The following CRACDL variants were observed in gnomAD, a reference collection of about 807,000 sequenced individuals.
CRACDL encodes the protein CRACD-like protein.
In CRACDL, 26 loss-of-function variants were observed where a neutral mutation model predicts 70.6. The observed-to-expected ratio is 0.37, with a 90% CI of 0.27 to 0.51. The LOEUF is 0.51. Among genes scored for constraint, CRACDL ranks in the 20% least tolerant of loss-of-function variants. CRACDL has a pLI of 0.94. For synonymous variants in CRACDL, 618 were observed against 615.2 expected, an observed-to-expected ratio of 1.00 and a Z score of -0.07; for missense variants, 1,283 against 1,376.9, an observed-to-expected ratio of 0.93 and a Z score of 1.08.
At chr2:98,898,380 A>T (rs994503927) in intron 1 of CRACDL, among the ~76,000 whole-genome samples, 8 of 152,260 alleles carry the variant, frequency 5.3e-5, no homozygotes, top group Admixed American at 1.3e-4. Context: ...GCATGGTGTC[A>T]TGTGACAAGT....
At chr2:98,907,919 A>T (rs1017892531) in intron 1 of CRACDL, among the ~76,000 whole-genome samples, 1 of 152,244 alleles carries the variant, frequency 6.6e-6, no homozygotes, top group Non-Finnish European at 1.5e-5. Context: ...GTGATGAGGG[A>T]GTATTTCTTG....
At chr2:98,915,203 ACT>A (rs1708637235) in intron 1 of CRACDL, among the ~76,000 whole-genome samples, 1 of 152,048 alleles carries the variant, frequency 6.6e-6, no homozygotes, top group African/African-American at 2.4e-5. Flanking sequence ...ACCTGAGGAG[ACT>A]CAGGCTCAGA....
intron 1 of CRACDL, among the ~76,000 whole-genome samples, chr2:98,883,014 T>G (rs1707699704): frequency 6.6e-6 from 1 of 152,184 alleles, no homozygotes; most frequent in Non-Finnish European, 1.5e-5. Flanking sequence ...GTGCCCAGTG[T>G]GATCTGATGG....
chr2:98,935,101 T>C (rs1709173393), intron 1 of CRACDL, among the ~76,000 whole-genome samples: 1 of 152,186 alleles, frequency 6.6e-6, no homozygotes, highest in Non-Finnish European at 1.5e-5. Flanking sequence ...TTCTAGTCTA[T>C]GGTATATGCA....
intron 2 of CRACDL, among the ~76,000 whole-genome samples, chr2:98,844,584 C>T (rs1706171166): frequency 3.9e-5 from 6 of 152,306 alleles, no homozygotes; most frequent in Admixed American, 3.3e-4. Flanking sequence ...CTCATCTTAA[C>T]AAATTACATC....
intron 1 of CRACDL, among the ~76,000 whole-genome samples, chr2:98,856,010 T>A (rs750761397): frequency 3.9e-5 from 6 of 152,104 alleles, no homozygotes; most frequent in Non-Finnish European, 8.8e-5. Context: ...ATATTCAGAA[T>A]GGGAGTCCCA....
intron 1 of CRACDL, among the ~76,000 whole-genome samples, chr2:98,893,619 CAT>C (rs994675772): frequency 1.8e-4 from 28 of 152,150 alleles, no homozygotes; most frequent in Admixed American, 3.9e-4. Context: ...GCTGTGTAAA[CAT>C]ATCAAAAAGA....
Position 98,925,423 on chromosome 2 carries a change from T to C in CRACDL, c.-11+10515A>G, listed in dbSNP as rs565674447. Among the ~76,000 whole-genome samples the C allele has an allele frequency of 1.1e-4, 17 of 152,318 alleles. No individual in the cohort carries two copies. In the South Asian group the frequency reaches 3.1e-3, roughly 28 times the overall value. ...AGGACCCTGGGTTCAAATCCCTGCA[T>C]AACTTGTCTGTGCCTCAGTTTGCTC... On this transcript the variant is annotated intron_variant, in intron 1 of 9. Transcript: ENST00000397899.
At chr2:98,827,213 G>T (rs367683332) in intron 5 of CRACDL, 44 bp from the exon 6 acceptor site, 2 of 1,431,532 alleles carry the variant, frequency 1.4e-6, no homozygotes, top group Non-Finnish European at 2.0e-6. Context: ...GAACTTCACC[G>T]TGTGAAATAA....
chr2:98,836,472 A>C (rs1705786582), intron 3 of CRACDL, among the ~76,000 whole-genome samples: 1 of 152,180 alleles, frequency 6.6e-6, no homozygotes, highest in African/African-American at 2.4e-5. Context: ...AGCTCCCTGC[A>C]AGGTGCTGGG....
At chr2:98,900,229 A>AG (rs1708240492) in intron 1 of CRACDL, among the ~76,000 whole-genome samples, 3 of 73,714 alleles carry the variant, frequency 4.1e-5, no homozygotes, top group African/African-American at 5.5e-5. Flanking sequence ...GAGGGGAGGC[A>AG]GGGGACAGAG....
intron 1 of CRACDL, among the ~76,000 whole-genome samples, chr2:98,878,965 T>C (rs924857612): frequency 1.3e-5 from 2 of 152,226 alleles, no homozygotes; most frequent in Non-Finnish European, 2.9e-5. Flanking sequence ...ATGAATGCTA[T>C]GACCACAGAA....
chr2:98,907,723 C>T lies in CRACDL; in HGVS notation c.-11+28215G>A, dbSNP rs149555360. On this transcript the variant is annotated intron_variant, in intron 1 of 9. Coordinates refer to ENST00000397899, the MANE Select transcript of CRACDL (RefSeq NM_207362.3). ...CCTGCACTGAGTGTTGTTCCATTCT[C>T]GAAAACAGTTCCTTCATGCATTCTG... Among the ~76,000 whole-genome samples, 82 of 152,320 alleles carry T rather than the reference C, an allele frequency of 5.4e-4. No homozygotes were observed. In the East Asian group the frequency reaches 0.014, roughly 27 times the overall value.
chr2:98,899,745 T>C (rs1708216595), intron 1 of CRACDL, among the ~76,000 whole-genome samples: 1 of 151,490 alleles, frequency 6.6e-6, no homozygotes. Context: ...GTCTGAGAAG[T>C]CTTAGCTCAG....
intron 9 of CRACDL, among the ~76,000 whole-genome samples, chr2:98,795,443 A>G (rs1410967210): frequency 6.6e-6 from 1 of 152,146 alleles, no homozygotes; most frequent in Non-Finnish European, 1.5e-5. Context: ...GCTCAGTGAA[A>G]GACGCCAGAT....
intron 1 of CRACDL, among the ~76,000 whole-genome samples, chr2:98,887,230 A>G (rs1204092671): frequency 2.6e-5 from 4 of 152,218 alleles, no homozygotes; most frequent in Non-Finnish European, 2.9e-5. Context: ...GCTCATGCCT[A>G]TAATCCCAGC....
At chr2:98,934,635 T>A (rs975135933) in intron 1 of CRACDL, among the ~76,000 whole-genome samples, 4 of 152,172 alleles carry the variant, frequency 2.6e-5, no homozygotes, top group African/African-American at 7.2e-5. Context: ...CTTTATTTTA[T>A]AAGTGAGGAA....
In CRACDL at chr2:98,822,260, C is replaced by T; in HGVS notation, c.2013G>A (p.Gln671=). The change falls in exon 7 of 10, where the codon CAG becomes CAA. Residue 671 remains glutamine (Q), a synonymous_variant. Coordinates refer to ENST00000397899, the MANE Select transcript of CRACDL (RefSeq NM_207362.3). This position sits in a 1 kb window ranked among gnomAD's most constrained non-coding sequence, Gnocchi z 4.9. ...PGTREPCPAA[Q]EPAPSEDRNP... is the part of the protein sequence containing the mutation. ...TTCTGTCCTCACTCGGGGCCGGCTC[C>T]TGGGCGGCTGGGCAGGGCTCTCTCG... 6.3e-7 allele frequency: 1 copy of T among 1,592,478 alleles called. No homozygotes were observed.
intron 1 of CRACDL, among the ~76,000 whole-genome samples, chr2:98,871,159 T>C (rs1409898967): frequency 1.3e-5 from 2 of 152,340 alleles, no homozygotes; most frequent in South Asian, 4.1e-4. Context: ...GCCCAAGCCA[T>C]ACGTTCCCTG....
Sources: allele counts gnomAD v4.1 joint callset (sites outside exome capture counted in the v4.1 genomes callset), GRCh38; gene constraint gnomAD v4.1.1; non-coding constraint Gnocchi (gnomAD v3.1); transcripts MANE v1.5; gene names NCBI Gene and HGNC (gene_info 2026-07-23, HGNC 2026-07-21).